Variants in MED25 observed in about 807,000 individuals in gnomAD.
MED25 encodes mediator complex subunit 25.
Under a neutral mutation model 89.4 loss-of-function variants are expected in MED25, and 62 were observed. That is an observed-to-expected ratio of 0.69 (90% confidence interval 0.57 to 0.86). MED25 has a LOEUF of 0.86. Among genes scored for constraint, MED25 ranks in the 40% least tolerant of loss-of-function variants. The pLI is 0.00. For synonymous variants in MED25, 449 were observed against 427.9 expected, an observed-to-expected ratio of 1.05 and a Z score of -0.61; for missense variants, 905 against 1,005.2, an observed-to-expected ratio of 0.90 and a Z score of 1.35.
At chr19:49,838,021 C>T (rs1042395725), downstream of MED25, among the ~76,000 whole-genome samples, 2 of 152,028 alleles carry the variant, frequency 1.3e-5, no homozygotes, top group Non-Finnish European at 2.9e-5. Flanking sequence ...AGGCTTGGAG[C>T]GCAGGGTGGT....
intron 13 of MED25, chr19:49,833,005 T>C (rs920953391): frequency 6.2e-6 from 1 of 161,064 alleles, no homozygotes; most frequent in African/African-American, 2.4e-5. Context: ...AATTTTGGAT[T>C]AGGCCCCATT....
intron 4 of MED25, 28 bp downstream of exon 4, chr19:49,828,575 C>G (rs1314686453): frequency 6.4e-7 from 1 of 1,565,658 alleles, no homozygotes; most frequent in Non-Finnish European, 8.8e-7. Flanking sequence ...CCAGGCCGGG[C>G]CGGTCTCTCT....
chr19:49,838,185 A>G (rs1219972172), downstream of MED25, among the ~76,000 whole-genome samples: 2 of 152,166 alleles, frequency 1.3e-5, no homozygotes, highest in Non-Finnish European at 2.9e-5. Context: ...AGAGATTGCA[A>G]TCTGGTGGCC....
intron 2 of MED25, chr19:49,818,922 C>G (rs1187914859): frequency 9.3e-6 from 5 of 540,208 alleles, no homozygotes; most frequent in Non-Finnish European, 1.6e-5. Context: ...GAGCTGAGGC[C>G]TGGATTCCTG....
intron 3 of MED25, among the ~76,000 whole-genome samples, chr19:49,825,843 T>A (rs900717204): frequency 1.3e-5 from 2 of 151,122 alleles, no homozygotes; most frequent in African/African-American, 4.9e-5. Context: ...AAAAAAAAAA[T>A]TTATCACCCC....
rs1247100737 is a variant in MED25 at position 49,830,809 on chromosome 19, T to C, written c.1023T>C (p.Ala341=). Reference sequence around the variant, plus strand: ...CTGGCGCCCCCAAGCCACCACCTGCTTCCCAGCCCAGTCTGGTCTCCACTG... The same window carrying C: ...CTGGCGCCCCCAAGCCACCACCTGCCTCCCAGCCCAGTCTGGTCTCCACTG... ...GPPGAPKPPP[A]SQPSLVSTVA... Residue 341 remains alanine (A), a synonymous_variant, in exon 9 of 18, where the codon GCT becomes GCC. Transcript: ENST00000312865. The surrounding 1 kb of genome is among the most constrained non-coding windows in gnomAD (Gnocchi z 4.6). 3 of 1,613,238 alleles carry C rather than the reference T, an allele frequency of 1.9e-6. No individual in the cohort carries two copies.
Position 49,835,641 on chromosome 19 carries a change from G to T in MED25, c.1746+36G>T, listed in dbSNP as rs1490320314. 1.3e-6 allele frequency: 2 copies of T among 1,558,842 alleles called. No individual in the cohort carries two copies. Among genetic ancestry groups the T allele is most frequent in the East Asian group, 4.8e-5 (2 of 41,436 alleles). On this transcript the variant is annotated intron_variant, in intron 15 of 17. Coordinates refer to ENST00000312865, the MANE Select transcript of MED25 (RefSeq NM_030973.4). The surrounding 1 kb of genome is among the most constrained non-coding windows in gnomAD (Gnocchi z 6.2). ...GGCTGGCGGGGTCGGGGCTGGGTTGGGGAGGCCCCAAGGCTGCGCTCTGTG... is the reference window on the plus strand; with the variant it reads ...GGCTGGCGGGGTCGGGGCTGGGTTGTGGAGGCCCCAAGGCTGCGCTCTGTG...
intron 13 of MED25, chr19:49,833,879 GGCAGGCGTTGTAGGA>G (rs1224082134): frequency 4.6e-5 from 7 of 152,444 alleles, no homozygotes; most frequent in African/African-American, 1.7e-4. Flanking sequence ...GTTCTGAGAG[GGCAGGCGTTGTAGGA>G]GCAGGCATTT....
chr19:49,837,467 C>G (rs2074107743), downstream of MED25, among the ~76,000 whole-genome samples: 1 of 152,180 alleles, frequency 6.6e-6, no homozygotes, highest in Non-Finnish European at 1.5e-5. Context: ...CCAAACTGAG[C>G]AGCCCATGGT....
rs761434818 is a variant in MED25, at chr19:49,835,886, C to A, written c.1906C>A (p.Arg636=). Residue 636 remains arginine (R), a synonymous_variant, in exon 16 of 18, where the codon CGG becomes AGG. Coordinates refer to ENST00000312865, the MANE Select transcript of MED25 (RefSeq NM_030973.4). This position sits in a 1 kb window ranked among gnomAD's most constrained non-coding sequence, Gnocchi z 6.2. ...CCCACCCCCTCCTGGACCCATCCTT[C>A]GGCCCCAGAACCCTGGGGCCAACCC... ...SGPPPPGPIL[R]PQNPGANPQL... is the part of the protein sequence containing the mutation. 1.3e-5 allele frequency: 21 copies of A among 1,612,590 alleles called. No homozygotes were observed. In the African/African-American group the frequency reaches 2.8e-4, roughly 22 times the overall value.
chr19:49,839,596 G>T (rs2074121230), downstream of MED25: 1 of 152,218 alleles, frequency 6.6e-6, no homozygotes. Context: ...CCCTGAGAAG[G>T]TTAGTCAAAG....
chr19:49,818,308 G>T lies in MED25; in HGVS notation c.-34G>T. On this transcript the variant is annotated 5_prime_UTR_variant, in exon 1 of 18. Coordinates refer to ENST00000312865, the MANE Select transcript of MED25 (RefSeq NM_030973.4). ...CTGCTCATTCCGCGGCGTCGGCTGCGGCTGCAGTGGTGGTGGCGGGTACCG... is the reference window on the plus strand; with the variant it reads ...CTGCTCATTCCGCGGCGTCGGCTGCTGCTGCAGTGGTGGTGGCGGGTACCG... 1 of 1,562,524 alleles carries T rather than the reference G, an allele frequency of 6.4e-7. No individual in the cohort carries two copies. The highest frequency in any genetic ancestry group is 1.1e-5 in the South Asian group (1 of 87,256).
rs777020267 is a variant in MED25 at position 49,836,363 on chromosome 19, C to G, written c.2103C>G (p.Ala701=). The G allele has an allele frequency of 1.2e-6, 2 of 1,607,812 alleles. No homozygotes were observed. The highest frequency in any genetic ancestry group is 1.3e-5 in the African/African-American group (1 of 74,924). The change falls in exon 17 of 18, where the codon GCC becomes GCG. Residue 701 remains alanine, a synonymous_variant. Transcript: ENST00000312865. This position sits in a 1 kb window ranked among gnomAD's most constrained non-coding sequence, Gnocchi z 5.1. ...CCCCACTCCTGCATCCACCACCTGCCCAGTCCTGGCCCGCACAACTTCCCC... is the reference window on the plus strand; with the variant it reads ...CCCCACTCCTGCATCCACCACCTGCGCAGTCCTGGCCCGCACAACTTCCCC... ...LGPPLLHPPP[A]QSWPAQLPPR...
Position 49,819,992 on chromosome 19 carries a change from A to ATT in MED25, c.305+712_305+713dup, listed in dbSNP as rs34513218. On this transcript the variant is annotated intron_variant, in intron 3 of 17. Coordinates refer to ENST00000312865, the MANE Select transcript of MED25 (RefSeq NM_030973.4). Reference sequence around the variant, plus strand: ...AGGCACACGCCACTATGCCCAGCTAATTTTTTTTTTTTTTTTTGTATTTTT... The same window carrying ATT: ...AGGCACACGCCACTATGCCCAGCTAATTTTTTTTTTTTTTTTTTTGTATTTTT... 18 of 140,108 alleles carry ATT rather than the reference A, an allele frequency of 1.3e-4. No individual in the cohort carries two copies. The East Asian group carries it at 1.9e-3, about 15-fold the overall frequency. The allele number at this position is 140,108 out of a possible 1,614,324, so 8.7% of individuals were successfully genotyped here.
At position 49,829,653 on chromosome 19, in the gene MED25, C is replaced by A; in HGVS notation, c.526-133C>A. The A allele has an allele frequency of 1.0e-6, 1 of 987,936 alleles. No individual in the cohort carries two copies. The allele number at this position is 987,936 out of a possible 1,614,324, so 61.2% of individuals were successfully genotyped here. ...GATACCTGGTTTCAGGGTCTCCTGCCTCAAAGCCCAATGGGAATTGTGGTT... is the reference window on the plus strand; with the variant it reads ...GATACCTGGTTTCAGGGTCTCCTGCATCAAAGCCCAATGGGAATTGTGGTT... On this transcript the variant is annotated intron_variant, in intron 5 of 17. Transcript: ENST00000312865. This position sits in a 1 kb window ranked among gnomAD's most constrained non-coding sequence, Gnocchi z 4.6.
chr19:49,820,778 G>A (rs2073976340), intron 3 of MED25, among the ~76,000 whole-genome samples: 1 of 152,014 alleles, frequency 6.6e-6, no homozygotes, highest in African/African-American at 2.4e-5. Flanking sequence ...CACGCCTGGC[G>A]CTGGATCGGA....
chr19:49,830,826 TCTC>T lies in MED25; in HGVS notation c.1042_1044del (p.Ser348del). The T allele has an allele frequency of 1.2e-6, 2 of 1,613,064 alleles. No homozygotes were observed. The highest frequency in any genetic ancestry group is 1.7e-6 in the Non-Finnish European group (2 of 1,179,820). On this transcript the variant is annotated inframe_deletion, in exon 9 of 18. Coordinates refer to ENST00000312865, the MANE Select transcript of MED25 (RefSeq NM_030973.4). This position sits in a 1 kb window ranked among gnomAD's most constrained non-coding sequence, Gnocchi z 4.6. ...CCACCTGCTTCCCAGCCCAGTCTGG[TCTC>T]CACTGTGGCCCCTGGCTCCGGCCTG... is the stretch of plus-strand genomic sequence containing the variant.
rs1299786775 is a variant in MED25 at position 49,835,923 on chromosome 19, GCCT to G, written c.1951_1953del (p.Leu651del). ...CCTGGGGCCAACCCTCAGCTGCGAA[GCCT>G]CCTCCTCAACCCACCACCGGTGAGA... On this transcript the variant is annotated inframe_deletion, in exon 16 of 18. Transcript: ENST00000312865. This position sits in a 1 kb window ranked among gnomAD's most constrained non-coding sequence, Gnocchi z 6.2. The G allele has an allele frequency of 7.4e-6, 12 of 1,612,888 alleles. No individual in the cohort carries two copies. Among genetic ancestry groups the G allele is most frequent in the East Asian group, 2.2e-5 (1 of 44,854 alleles).
At chr19:49,838,306 G>GCACA, downstream of MED25, 1 of 342,338 alleles carries the variant, frequency 2.9e-6, no homozygotes, top group South Asian at 2.3e-5. Context: ...ACACACACAC[G>GCACA]CACACACACA....
Sources: allele counts gnomAD v4.1 joint callset (sites outside exome capture counted in the v4.1 genomes callset), GRCh38; gene constraint gnomAD v4.1.1; non-coding constraint Gnocchi (gnomAD v3.1); transcripts MANE v1.5; gene names NCBI Gene and HGNC (gene_info 2026-07-23, HGNC 2026-07-21).